GRIK1: variants seen among roughly 807,000 people sequenced by gnomAD.
GRIK1 encodes the protein glutamate receptor ionotropic, kainate 1.
A neutral mutation model predicts 105.7 loss-of-function variants in GRIK1; 69 were observed. That is an observed-to-expected ratio of 0.65 (90% confidence interval 0.54 to 0.80). GRIK1 has a LOEUF of 0.80. Among genes scored for constraint, GRIK1 ranks in the 30% least tolerant of loss-of-function variants. GRIK1 has a pLI of 0.00. For synonymous variants in GRIK1, 438 were observed against 431.3 expected (o/e 1.02, Z -0.19); for missense variants, 1,109 against 1,167.3 (o/e 0.95, Z 0.73).
rs557595362 is a variant in GRIK1, at chr21:29,790,007, A to C, written c.119-95944T>G. ...GGTTGCTAGAGGGAAAGTTAAACTG[A>C]GTGACATGTTCACGTAAGTCTCCTT... On this transcript the variant is annotated intron_variant, in intron 1 of 17. Coordinates refer to ENST00000327783, the MANE Select transcript of GRIK1 (RefSeq NM_001330994.2). 9.2e-5 allele frequency among the ~76,000 whole-genome samples: 14 copies of C among 152,346 alleles called. No homozygotes were observed. The East Asian group carries it at 1.2e-3, about 13-fold the overall frequency.
At chr21:29,581,706 A>C (rs2091026784) in intron 12 of GRIK1, among the ~76,000 whole-genome samples, 163 bp from the exon 13 acceptor site, 1 of 152,206 alleles carries the variant, frequency 6.6e-6, no homozygotes, top group South Asian at 2.1e-4. Context: ...TTTGGTGGGC[A>C]AAGTGCAAAG....
At position 29,933,648 on chromosome 21, in the gene GRIK1, C is replaced by T. The variant is rs74868934; in HGVS notation, c.118+5735G>A. ...AGAGAGAGAGGGAGAGAGTTATCTT[C>T]CTCAAGACTGAAGGTATGCCATGCA... On this transcript the variant is annotated intron_variant, in intron 1 of 17. Coordinates refer to ENST00000327783, the MANE Select transcript of GRIK1 (RefSeq NM_001330994.2). Among the ~76,000 whole-genome samples, 86 of 152,136 alleles carry T rather than the reference C, an allele frequency of 5.7e-4. 1 individual carries two copies. Among genetic ancestry groups the T allele is most frequent in the Non-Finnish European group, 9.6e-4 (65 of 67,976 alleles).
At chr21:29,590,067 T>A (rs1371037262) in intron 10 of GRIK1, among the ~76,000 whole-genome samples, 1 of 152,214 alleles carries the variant, frequency 6.6e-6, no homozygotes, top group African/African-American at 2.4e-5. Context: ...CCTTGTTAAT[T>A]CTCATTTGAC....
intron 7 of GRIK1, among the ~76,000 whole-genome samples, chr21:29,616,277 C>T (rs765030699): frequency 2.0e-5 from 3 of 152,068 alleles, no homozygotes; most frequent in African/African-American, 7.2e-5. Context: ...TTGAGGGATA[C>T]GGTACTCTCT....
At chr21:29,565,623 AG>A (rs1206918413) in intron 14 of GRIK1, among the ~76,000 whole-genome samples, 1 of 152,120 alleles carries the variant, frequency 6.6e-6, no homozygotes, top group Non-Finnish European at 1.5e-5. Context: ...TAGTAAAGAC[AG>A]GGTTTCACCA....
chr21:29,865,568 G>A (rs1271565096), intron 1 of GRIK1, among the ~76,000 whole-genome samples: 1 of 152,130 alleles, frequency 6.6e-6, no homozygotes, highest in Non-Finnish European at 1.5e-5. Flanking sequence ...ATTTCAGCAA[G>A]GGCACTAATT....
intron 1 of GRIK1, among the ~76,000 whole-genome samples, chr21:29,732,865 A>C (rs2064675017): frequency 6.6e-6 from 1 of 152,188 alleles, no homozygotes; most frequent in African/African-American, 2.4e-5. Context: ...GAAGATCAAA[A>C]TGGCAACTAT....
At chr21:29,756,559 G>T (rs1236698542) in intron 1 of GRIK1, among the ~76,000 whole-genome samples, 4 of 151,954 alleles carry the variant, frequency 2.6e-5, no homozygotes, top group Non-Finnish European at 5.9e-5. Flanking sequence ...TCAGGTTCAC[G>T]CCTGGGTGCC....
At chr21:29,555,446 G>T in intron 15 of GRIK1, 144 bp from the exon 16 acceptor site, 3 of 714,910 alleles carry the variant, frequency 4.2e-6, no homozygotes, top group East Asian at 2.6e-5. Flanking sequence ...GGACAGGAAA[G>T]TTCACTCCTA....
intron 1 of GRIK1, among the ~76,000 whole-genome samples, chr21:29,708,536 G>A (rs954923743): frequency 6.6e-6 from 1 of 152,152 alleles, no homozygotes; most frequent in Non-Finnish European, 1.5e-5. Context: ...GAATACATGC[G>A]TGGATTGTAC....
At chr21:29,629,217 T>TGTGG (rs1555853095) in intron 7 of GRIK1, among the ~76,000 whole-genome samples, 2 of 148,836 alleles carry the variant, frequency 1.3e-5, no homozygotes, top group African/African-American at 5.1e-5. Context: ...TGTGTGTGTG[T>TGTGG]GTGTGTGTGT....
chr21:29,561,179 T>C (rs57861697), intron 15 of GRIK1, among the ~76,000 whole-genome samples: 301 of 152,324 alleles, frequency 2.0e-3, no homozygotes, highest in African/African-American at 6.4e-3. Flanking sequence ...TTGACTGATA[T>C]AGCCTTGCTT....
At chr21:29,868,013 A>C (rs2068884588) in intron 1 of GRIK1, among the ~76,000 whole-genome samples, 1 of 139,850 alleles carries the variant, frequency 7.2e-6, no homozygotes, top group South Asian at 2.4e-4. Context: ...GAAAGAAAGA[A>C]AAGACAGAAA....
At position 29,752,791 on chromosome 21, in the gene GRIK1, C is replaced by T. The variant is rs537257330; in HGVS notation, c.119-58728G>A. Among the ~76,000 whole-genome samples the T allele has an allele frequency of 2.6e-5, 4 of 152,284 alleles. 1 individual carries two copies. The highest frequency in any genetic ancestry group is 7.2e-5 in the African/African-American group (3 of 41,560). On this transcript the variant is annotated intron_variant, in intron 1 of 17. Transcript: ENST00000327783. ...GTTCAAGGCTACAGTGAACTAGGAT[C>T]GTGCCACTGCACTCCAACTTTGGAT...
At chr21:29,758,270 C>T (rs1225475912) in intron 1 of GRIK1, among the ~76,000 whole-genome samples, 3 of 152,174 alleles carry the variant, frequency 2.0e-5, no homozygotes, top group East Asian at 3.9e-4. Flanking sequence ...AAGACATACT[C>T]GAGACTGGGT....
chr21:29,569,240 G>C (rs2090683297), intron 14 of GRIK1, among the ~76,000 whole-genome samples: 1 of 152,140 alleles, frequency 6.6e-6, no homozygotes, highest in East Asian at 1.9e-4. Flanking sequence ...AGAGGTAAGG[G>C]TTGAATAATT....
intron 1 of GRIK1, among the ~76,000 whole-genome samples, chr21:29,900,462 G>GA (rs796090417): frequency 0.012 from 929 of 76,936 alleles, 19 homozygotes; most frequent in East Asian, 0.074. Context: ...TGGAAAGCAA[G>GA]AAAAAAAAAA....
chr21:29,644,224 C>T (rs899191918), intron 6 of GRIK1, among the ~76,000 whole-genome samples: 2 of 152,080 alleles, frequency 1.3e-5, no homozygotes, highest in Non-Finnish European at 2.9e-5. Context: ...CGGAATACCT[C>T]TACTTTGAAT....
At chr21:29,756,478 G>T (rs1392107111) in intron 1 of GRIK1, among the ~76,000 whole-genome samples, 5 of 152,176 alleles carry the variant, frequency 3.3e-5, no homozygotes, top group African/African-American at 1.2e-4. Flanking sequence ...AAATCACATG[G>T]AAGAAGAGCT....
Sources: gnomAD v4.1 joint callset for allele counts (sites outside exome capture counted in the v4.1 genomes callset) on GRCh38, gnomAD v4.1.1 for gene constraint, MANE v1.5 for transcripts, NCBI Gene and HGNC (gene_info 2026-07-23, HGNC 2026-07-21) for gene names.